The following NCALD variants were observed in gnomAD, a reference collection of about 807,000 sequenced individuals.
NCALD encodes the protein neurocalcin-delta.
A neutral mutation model predicts 18.6 loss-of-function variants in NCALD; 10 were observed. The observed-to-expected ratio is 0.54, with a 90% CI of 0.33 to 0.91. NCALD has a LOEUF of 0.91. NCALD is among the 40% of genes least tolerant of loss of function. The probability of loss-of-function intolerance (pLI) is 0.03; values close to 1 mark genes in which losing one functional copy is unlikely to be tolerated. For missense variants in NCALD, 184 were observed against 247.6 expected (o/e 0.74, Z 1.72); for synonymous variants, 88 against 87.4 (o/e 1.01, Z -0.04).
intron 2 of NCALD, among the ~76,000 whole-genome samples, chr8:101,996,350 G>A (rs1415433524): frequency 6.6e-6 from 1 of 152,106 alleles, no homozygotes; most frequent in African/African-American, 2.4e-5. Context: ...CTTGTTGCTG[G>A]GCACTTCTAC....
chr8:101,882,548 A>G (rs1012402923), intron 4 of NCALD, among the ~76,000 whole-genome samples: 1 of 152,234 alleles, frequency 6.6e-6, no homozygotes, highest in Admixed American at 6.5e-5. Flanking sequence ...CCAGTTTATG[A>G]TATTTTGTTA....
intron 1 of NCALD, among the ~76,000 whole-genome samples, chr8:102,066,957 C>A (rs1354099164): frequency 6.6e-6 from 1 of 152,210 alleles, no homozygotes; most frequent in Non-Finnish European, 1.5e-5. Context: ...TGGACACCTA[C>A]CTCCAAGCTC....
At chr8:101,983,559 T>C (rs1820699050) in intron 2 of NCALD, among the ~76,000 whole-genome samples, 1 of 152,210 alleles carries the variant, frequency 6.6e-6, no homozygotes. Context: ...AGCTTGTCTT[T>C]GTGAAACAAA....
chr8:101,850,058 A>C (rs897650199), intron 4 of NCALD, among the ~76,000 whole-genome samples: 6 of 152,208 alleles, frequency 3.9e-5, no homozygotes, highest in African/African-American at 1.4e-4. Context: ...TGGACTGAGC[A>C]TGTACCTAAG....
At chr8:101,810,685 T>C (rs543302785) in intron 4 of NCALD, among the ~76,000 whole-genome samples, 1 of 152,296 alleles carries the variant, frequency 6.6e-6, no homozygotes, top group African/African-American at 2.4e-5. Flanking sequence ...ATTAGTTTAT[T>C]ACTTTGCTGA....
At chr8:101,879,426 C>T (rs1021610469) in intron 4 of NCALD, among the ~76,000 whole-genome samples, 4 of 152,056 alleles carry the variant, frequency 2.6e-5, no homozygotes, top group Non-Finnish European at 4.4e-5. Flanking sequence ...CTCCCAGTGG[C>T]TTCGTGGTCT....
At chr8:101,881,556 T>C (rs771446404) in intron 4 of NCALD, among the ~76,000 whole-genome samples, 2 of 152,230 alleles carry the variant, frequency 1.3e-5, no homozygotes, top group African/African-American at 2.4e-5. Context: ...GCCTCATTTA[T>C]GTCTCATTTA....
chr8:102,121,151 T>A (rs1021150164), intron 1 of NCALD, among the ~76,000 whole-genome samples: 1 of 152,220 alleles, frequency 6.6e-6, no homozygotes, highest in African/African-American at 2.4e-5. Context: ...AATTTTCCTA[T>A]AAGGAGCTAA....
At chr8:101,720,442 G>A (rs887050382) in intron 1 of NCALD, among the ~76,000 whole-genome samples, 7 of 152,160 alleles carry the variant, frequency 4.6e-5, no homozygotes, top group African/African-American at 1.7e-4. Context: ...AAAAAAAGCA[G>A]TATCACTTCA....
chr8:101,828,689 A>C (rs1814043991), intron 4 of NCALD, among the ~76,000 whole-genome samples: 1 of 151,400 alleles, frequency 6.6e-6, no homozygotes, highest in African/African-American at 2.4e-5. Context: ...GCAGCCTCAA[A>C]CTCTTGGGCT....
chr8:101,996,528 T>C (rs1157788276), intron 2 of NCALD, among the ~76,000 whole-genome samples: 1 of 152,244 alleles, frequency 6.6e-6, no homozygotes, highest in Non-Finnish European at 1.5e-5. Flanking sequence ...GGTTTTACTC[T>C]GCAGGTAACA....
intron 1 of NCALD, among the ~76,000 whole-genome samples, chr8:101,779,663 T>C (rs1811936095): frequency 6.6e-6 from 1 of 152,100 alleles, no homozygotes; most frequent in Non-Finnish European, 1.5e-5. Flanking sequence ...TTTTATATAA[T>C]TTTCACCAAG....
rs16868468 is a variant in NCALD, at chr8:101,810,520, A to T, written c.-20+76621T>A. The stretch of plus-strand genomic sequence containing the variant: ...ACTCAATTCCTTAGTCAGTAAATTA[A>T]AACAGTTCTTAACATCAGGAGAATT... On this transcript the variant is annotated intron_variant, in intron 4 of 6. Coordinates refer to the NCALD transcript ENST00000311028. 5.7e-3 allele frequency among the ~76,000 whole-genome samples: 870 copies of T among 152,320 alleles called. 11 individuals carry two copies. Among genetic ancestry groups the T allele is most frequent in the African/African-American group, 0.018 (765 of 41,586 alleles).
intron 1 of NCALD, among the ~76,000 whole-genome samples, chr8:101,782,135 A>G (rs1050477411): frequency 2.0e-5 from 3 of 149,380 alleles, no homozygotes; most frequent in Non-Finnish European, 4.4e-5. Context: ...TTTTCATTGT[A>G]TACTCATTAT....
chr8:101,768,554 C>T (rs981408380), intron 1 of NCALD, among the ~76,000 whole-genome samples: 2 of 151,916 alleles, frequency 1.3e-5, no homozygotes, highest in African/African-American at 4.8e-5. Flanking sequence ...ACTAAAAATA[C>T]AAAAATTAGC....
intron 3 of NCALD, among the ~76,000 whole-genome samples, chr8:101,888,495 G>T (rs1165408794): frequency 6.6e-6 from 1 of 152,014 alleles, no homozygotes; most frequent in Non-Finnish European, 1.5e-5. Context: ...ATAGCTCAGT[G>T]TAACCTCAAA....
intron 1 of NCALD, among the ~76,000 whole-genome samples, chr8:102,043,668 GAGA>G (rs1823133726): frequency 6.8e-6 from 1 of 146,922 alleles, no homozygotes; most frequent in South Asian, 2.3e-4. Flanking sequence ...GGAAGAAGAA[GAGA>G]AGGAGGAGGA....
chr8:102,030,860 A>G (rs2132137105), intron 1 of NCALD, among the ~76,000 whole-genome samples: 1 of 151,992 alleles, frequency 6.6e-6, no homozygotes, highest in Non-Finnish European at 1.5e-5. Flanking sequence ...TGGGCAACAG[A>G]GTGAGACTCC....
intron 2 of NCALD, among the ~76,000 whole-genome samples, chr8:101,985,521 T>A (rs1820775597): frequency 6.6e-6 from 1 of 152,166 alleles, no homozygotes; most frequent in Non-Finnish European, 1.5e-5. Flanking sequence ...AAATGAGAGA[T>A]GAGGCAGATT....
Sources: gnomAD v4.1 joint callset for allele counts (sites outside exome capture counted in the v4.1 genomes callset) on GRCh38, gnomAD v4.1.1 for gene constraint, MANE v1.5 for transcripts, NCBI Gene and HGNC (gene_info 2026-07-23, HGNC 2026-07-21) for gene names.